Variants in TLN2 observed in about 807,000 individuals in gnomAD.
TLN2 encodes talin-2.
TLN2 carries 118 observed loss-of-function variants against 294.7 expected under a neutral mutation model. That is an observed-to-expected ratio of 0.40 (90% confidence interval 0.34 to 0.47). The LOEUF is 0.47. Among genes scored for constraint, TLN2 ranks in the 20% least tolerant of loss-of-function variants. The pLI is 0.84. For missense variants in TLN2, 3,083 were observed against 3,282.2 expected, an observed-to-expected ratio of 0.94 and a Z score of 1.48; for synonymous variants, 1,431 against 1,304.5, an observed-to-expected ratio of 1.10 and a Z score of -2.09.
rs182115350 is a variant in TLN2, at chr15:62,463,045, G to T, written c.-238+72360G>T. Among the ~76,000 whole-genome samples the T allele has an allele frequency of 3.6e-4, 55 of 152,264 alleles. No homozygotes were observed. The East Asian group carries it at 9.3e-3, about 26-fold the overall frequency. On this transcript the variant is annotated intron_variant, in intron 1 of 58. Transcript: ENST00000636159. ...GTACTTATTCCCCGTCAGAGTAGGG[G>T]TGCCTCTTGCCTTTCCCCCAACCCC...
At chr15:62,568,262 A>G (rs2043575524) in intron 1 of TLN2, among the ~76,000 whole-genome samples, 1 of 152,020 alleles carries the variant, frequency 6.6e-6, no homozygotes, top group African/African-American at 2.4e-5. Flanking sequence ...TGGGCGAGGT[A>G]GAGTGGAGCC....
At chr15:62,440,816 C>A (rs1468763172) in intron 1 of TLN2, among the ~76,000 whole-genome samples, 1 of 152,174 alleles carries the variant, frequency 6.6e-6, no homozygotes, top group Non-Finnish European at 1.5e-5. Context: ...GAGGCAGTTT[C>A]AACCATTTTT....
chr15:62,413,816 G>A (rs1006988518), intron 1 of TLN2, among the ~76,000 whole-genome samples: 6 of 152,200 alleles, frequency 3.9e-5, no homozygotes, highest in Non-Finnish European at 5.9e-5. Flanking sequence ...AAAATCTGAA[G>A]CCTTTGACAT....
At chr15:62,442,988 T>A (rs1343565996) in intron 1 of TLN2, among the ~76,000 whole-genome samples, 2 of 152,224 alleles carry the variant, frequency 1.3e-5, no homozygotes, top group African/African-American at 4.8e-5. Flanking sequence ...TCACCTGTCC[T>A]TCCACTGTCC....
intron 1 of TLN2, among the ~76,000 whole-genome samples, chr15:62,562,654 A>G (rs1211509085): frequency 6.6e-6 from 1 of 151,992 alleles, no homozygotes; most frequent in South Asian, 2.1e-4. Flanking sequence ...CCGGAGCAGT[A>G]TACAGTGAAC....
chr15:62,821,916 G>T (rs1164174985), intron 54 of TLN2, among the ~76,000 whole-genome samples: 3 of 152,198 alleles, frequency 2.0e-5, no homozygotes. Flanking sequence ...AGATTTAGAG[G>T]TTTGGTGCAT....
rs7179583 is a variant in TLN2, at chr15:62,682,429, T to C, written c.958-4212T>C. Among the ~76,000 whole-genome samples, 1,488 of 152,302 alleles carry C rather than the reference T, an allele frequency of 9.8e-3. 30 individuals are homozygous for C. The highest frequency in any genetic ancestry group is 0.035 in the African/African-American group (1,445 of 41,560). On this transcript the variant is annotated intron_variant, in intron 11 of 58. Coordinates refer to ENST00000636159, the MANE Select transcript of TLN2 (RefSeq NM_015059.3). The stretch of plus-strand genomic sequence containing the variant: ...CATGTCTGCGAGTCATATAATGAAT[T>C]CATATGGAATAGCATTAGGCAGCAG...
At chr15:62,692,041 G>A (rs941554588) in intron 12 of TLN2, among the ~76,000 whole-genome samples, 10 of 152,284 alleles carry the variant, frequency 6.6e-5, no homozygotes, top group African/African-American at 9.6e-5. Context: ...CAAGTTTAGC[G>A]TGTAGTATTC....
intron 1 of TLN2, among the ~76,000 whole-genome samples, chr15:62,501,526 A>G (rs1016801541): frequency 6.6e-6 from 1 of 152,152 alleles, no homozygotes; most frequent in Non-Finnish European, 1.5e-5. Context: ...GCCCCGGGAA[A>G]ACGTTAATTC....
chr15:62,415,337 G>A lies in TLN2; in HGVS notation c.-238+24652G>A, dbSNP rs1400422800. The stretch of plus-strand genomic sequence containing the variant: ...CTGAGGAGACGTAGCAAGTGGCAGG[G>A]CTGAGACATGGATATGGATGTTTTT... On this transcript the variant is annotated intron_variant, in intron 1 of 58. Coordinates refer to ENST00000636159, the MANE Select transcript of TLN2 (RefSeq NM_015059.3). Among the ~76,000 whole-genome samples the A allele has an allele frequency of 1.4e-5, 2 of 141,826 alleles. 1 individual carries two copies. Among genetic ancestry groups the A allele is most frequent in the African/African-American group, 5.0e-5 (2 of 39,728 alleles). The allele number at this position is 141,826 out of a possible 152,430, so 93.0% of individuals were successfully genotyped here.
chr15:62,459,037 T>C (rs1595855355), intron 1 of TLN2, among the ~76,000 whole-genome samples: 1 of 151,922 alleles, frequency 6.6e-6, no homozygotes, highest in Non-Finnish European at 1.5e-5. Context: ...AGTCTCACTC[T>C]GTCGCCAGGC....
intron 1 of TLN2, among the ~76,000 whole-genome samples, chr15:62,438,052 G>A (rs554874348): frequency 4.8e-4 from 73 of 152,282 alleles, no homozygotes; most frequent in Non-Finnish European, 8.1e-4. Flanking sequence ...GCAAGTGTTA[G>A]AGAGGATGTA....
chr15:62,788,574 A>G (rs1205760164), intron 45 of TLN2, among the ~76,000 whole-genome samples: 4 of 152,218 alleles, frequency 2.6e-5, no homozygotes, highest in African/African-American at 9.6e-5. Flanking sequence ...CATTTCACAG[A>G]TAAGTAAACC....
intron 1 of TLN2, among the ~76,000 whole-genome samples, chr15:62,508,776 C>T (rs1170003525): frequency 6.6e-6 from 1 of 152,046 alleles, no homozygotes; most frequent in African/African-American, 2.4e-5. Flanking sequence ...ATTCATGTTT[C>T]TCTATTTACG....
intron 1 of TLN2, among the ~76,000 whole-genome samples, chr15:62,472,522 G>A (rs757451256): frequency 4.9e-4 from 74 of 152,170 alleles, no homozygotes; most frequent in Admixed American, 4.7e-3. Context: ...TATGGGGTGT[G>A]GGCCATCCAA....
intron 1 of TLN2, among the ~76,000 whole-genome samples, chr15:62,518,393 G>A (rs1189964645): frequency 6.6e-6 from 1 of 152,152 alleles, no homozygotes; most frequent in South Asian, 2.1e-4. Context: ...TGGAGAAGTA[G>A]GAGGAGCGTA....
chr15:62,433,656 T>C (rs1377287877), intron 1 of TLN2, among the ~76,000 whole-genome samples: 4 of 152,212 alleles, frequency 2.6e-5, no homozygotes, highest in Middle Eastern at 3.4e-3. Flanking sequence ...CCTTTGTACA[T>C]AAGGGCCCCT....
rs539174724 is a variant in TLN2 at position 62,604,892 on chromosome 15, G to GCCT, written c.-161-13440_-161-13438dup. On this transcript the variant is annotated intron_variant, in intron 2 of 58. Coordinates refer to ENST00000636159, the MANE Select transcript of TLN2 (RefSeq NM_015059.3). ...TTTCTCATTATTTGCCGCTGCCGCC[G>GCCT]CCTCCTCCTCCTCCTCCTCCTTTCC... Among the ~76,000 whole-genome samples, 1,212 of 151,394 alleles carry GCCT rather than the reference G, an allele frequency of 8.0e-3. 17 individuals are homozygous for GCCT. Among genetic ancestry groups the GCCT allele is most frequent in the African/African-American group, 0.027 (1,128 of 41,290 alleles).
intron 1 of TLN2, among the ~76,000 whole-genome samples, chr15:62,582,576 C>T (rs1053569320): frequency 3.9e-5 from 6 of 151,956 alleles, no homozygotes; most frequent in African/African-American, 1.2e-4. Flanking sequence ...GGTGTGGGGA[C>T]GGCATTGTAG....
Sources: gnomAD v4.1 joint callset for allele counts (sites outside exome capture counted in the v4.1 genomes callset) on GRCh38, gnomAD v4.1.1 for gene constraint, MANE v1.5 for transcripts, NCBI Gene and HGNC (gene_info 2026-07-23, HGNC 2026-07-21) for gene names.